RBFOX3: variants seen among roughly 807,000 people sequenced by gnomAD.
RBFOX3 encodes RNA binding protein fox-1 homolog 3.
Under a neutral mutation model 48.7 loss-of-function variants are expected in RBFOX3, and 17 were observed. That is an observed-to-expected ratio of 0.35 (90% CI 0.24 to 0.52). RBFOX3 has a LOEUF of 0.52. Among genes scored for constraint, RBFOX3 ranks in the 20% least tolerant of loss-of-function variants. The pLI, the probability that RBFOX3 is intolerant of heterozygous loss-of-function variation, is 0.94. For missense variants in RBFOX3, 382 were observed against 497.5 expected (o/e 0.77, Z 2.21); for synonymous variants, 212 against 209.5 (o/e 1.01, Z -0.10).
At chr17:79,168,845 C>T (rs1272659131) in intron 4 of RBFOX3, among the ~76,000 whole-genome samples, 4 of 144,578 alleles carry the variant, frequency 2.8e-5, no homozygotes, top group Admixed American at 1.3e-4. Context: ...CCGGGTGCGC[C>T]CTCGCCTGGC....
At chr17:79,233,216 G>A (rs951204264) in intron 4 of RBFOX3, among the ~76,000 whole-genome samples, 1 of 152,172 alleles carries the variant, frequency 6.6e-6, no homozygotes, top group African/African-American at 2.4e-5. Context: ...AGGAACCTCT[G>A]AATAACTATG....
intron 3 of RBFOX3, among the ~76,000 whole-genome samples, chr17:79,300,525 G>C (rs1333593865): frequency 6.6e-6 from 1 of 152,222 alleles, no homozygotes; most frequent in Non-Finnish European, 1.5e-5. Flanking sequence ...GAGGAGGGGA[G>C]AATCTGTGTG....
intron 3 of RBFOX3, among the ~76,000 whole-genome samples, chr17:79,286,526 T>G (rs999579042): frequency 6.6e-6 from 1 of 152,168 alleles, no homozygotes; most frequent in Non-Finnish European, 1.5e-5. Context: ...CCCTGATGCT[T>G]ATTAACTGTG....
intron 1 of RBFOX3, among the ~76,000 whole-genome samples, chr17:79,563,228 A>G (rs933001655): frequency 1.3e-5 from 2 of 152,234 alleles, no homozygotes; most frequent in African/African-American, 4.8e-5. Context: ...TTTGAAAAAA[A>G]AAAAACAAAA....
rs114839385 is a variant in RBFOX3 at position 79,355,739 on chromosome 17, C to T, written c.-174-47915G>A. On this transcript the variant is annotated intron_variant, in intron 2 of 14. Transcript: ENST00000693108. The stretch of plus-strand genomic sequence containing the variant: ...GGGATAACAGGCTCACACCATCATG[C>T]TCAGCTAATGTTTTAATTTTTAGTA... Among the ~76,000 whole-genome samples the T allele has an allele frequency of 2.5e-3, 375 of 152,236 alleles. 1 individual carries two copies. The highest frequency in any genetic ancestry group is 8.6e-3 in the African/African-American group (357 of 41,516).
At chr17:79,359,491 A>C (rs2085878068) in intron 2 of RBFOX3, among the ~76,000 whole-genome samples, 1 of 152,234 alleles carries the variant, frequency 6.6e-6, no homozygotes, top group South Asian at 2.1e-4. Flanking sequence ...GGTGAGGCAT[A>C]GCCTTCGAAG....
intron 2 of RBFOX3, among the ~76,000 whole-genome samples, chr17:79,334,524 G>A (rs1227347205): frequency 1.3e-5 from 2 of 152,202 alleles, no homozygotes; most frequent in Admixed American, 6.5e-5. Context: ...CTTACCTAGA[G>A]ATGGGCTTCT....
intron 2 of RBFOX3, among the ~76,000 whole-genome samples, chr17:79,354,476 C>T (rs1327915344): frequency 6.6e-6 from 1 of 152,270 alleles, no homozygotes; most frequent in African/African-American, 2.4e-5. Context: ...CCCCCGGCAT[C>T]TACAGATACT....
chr17:79,128,545 C>G (rs1345925381), intron 4 of RBFOX3, among the ~76,000 whole-genome samples: 1 of 152,214 alleles, frequency 6.6e-6, no homozygotes, highest in African/African-American at 2.4e-5. Flanking sequence ...AAACAGGCCA[C>G]CTCTACAGCT....
upstream of RBFOX3, among the ~76,000 whole-genome samples, chr17:79,611,130 T>TTTCTC (rs2093961134): frequency 2.6e-5 from 1 of 37,846 alleles, no homozygotes; most frequent in East Asian, 8.5e-4. Context: ...TCCGCCCTCC[T>TTTCTC]TCTCTCTCTC....
At position 79,220,302 on chromosome 17, in the gene RBFOX3, C is replaced by T. The variant is rs985076645; in HGVS notation, c.-34+15464G>A. 2.6e-5 allele frequency among the ~76,000 whole-genome samples: 4 copies of T among 152,184 alleles called. No homozygotes were observed. Among genetic ancestry groups the T allele is most frequent in the African/African-American group, 7.2e-5 (3 of 41,456 alleles). On this transcript the variant is annotated intron_variant, in intron 4 of 14. Coordinates refer to ENST00000693108, the MANE Select transcript of RBFOX3 (RefSeq NM_001350451.2). The surrounding 1 kb of genome is among the most constrained non-coding windows in gnomAD (Gnocchi z 5.9). ...GTTGGTGGGGGTAGGGGCTTGGTCC[C>T]CCAACGCTGGCACTCAGTTTAGCTG...
At chr17:79,303,344 GC>G (rs2075608265) in intron 3 of RBFOX3, among the ~76,000 whole-genome samples, 1 of 152,120 alleles carries the variant, frequency 6.6e-6, no homozygotes, top group Non-Finnish European at 1.5e-5. Context: ...ACACACAAAT[GC>G]TTCGCCTGTG....
intron 4 of RBFOX3, among the ~76,000 whole-genome samples, chr17:79,138,893 A>AC (rs2041197751): frequency 3.4e-5 from 3 of 88,494 alleles, no homozygotes; most frequent in Non-Finnish European, 4.3e-5. Context: ...GGCATACAGC[A>AC]ATGCATTCAC....
chr17:79,662,816 G>A, the RBFOX3 span, among the ~76,000 whole-genome samples: 1 of 152,126 alleles, frequency 6.6e-6, no homozygotes, highest in African/African-American at 2.4e-5. Flanking sequence ...CGTGGGGAAG[G>A]CATCTGTGGA....
chr17:79,360,317 G>A (rs1568108748), intron 2 of RBFOX3, among the ~76,000 whole-genome samples: 7 of 152,144 alleles, frequency 4.6e-5, no homozygotes, highest in Non-Finnish European at 2.9e-5. Context: ...CCATCAGCCT[G>A]GGCCTGCAGG....
intron 3 of RBFOX3, among the ~76,000 whole-genome samples, chr17:79,247,549 T>C (rs1406185020): frequency 2.0e-5 from 3 of 152,126 alleles, no homozygotes; most frequent in African/African-American, 7.2e-5. Context: ...TGACCTCAAG[T>C]GATCCGCCCA....
At chr17:79,544,975 C>CAAAAAAAAAA (rs10584963) in intron 1 of RBFOX3, among the ~76,000 whole-genome samples, 4 of 81,622 alleles carry the variant, frequency 4.9e-5, no homozygotes, top group Non-Finnish European at 7.4e-5. Context: ...TCATTAAGGG[C>CAAAAAAAAAA]AAAAAAAAAA....
At chr17:79,511,948 C>A (rs2084327195) in intron 1 of RBFOX3, among the ~76,000 whole-genome samples, 1 of 148,028 alleles carries the variant, frequency 6.8e-6, no homozygotes, top group South Asian at 2.2e-4. Flanking sequence ...TCGGATACAG[C>A]CCCATGGCCA....
intron 1 of RBFOX3, among the ~76,000 whole-genome samples, chr17:79,512,338 T>C (rs2084441941): frequency 7.9e-6 from 1 of 127,058 alleles, no homozygotes; most frequent in African/African-American, 3.0e-5. Context: ...CGTGTTACCA[T>C]CGGATACAGC....
Sources: allele counts gnomAD v4.1 joint callset (sites outside exome capture counted in the v4.1 genomes callset), GRCh38; gene constraint gnomAD v4.1.1; non-coding constraint Gnocchi (gnomAD v3.1); transcripts MANE v1.5; gene names NCBI Gene and HGNC (gene_info 2026-07-23, HGNC 2026-07-21).